Variants in CSF2RA observed in about 807,000 individuals in gnomAD.
CSF2RA encodes colony stimulating factor 2 receptor subunit alpha.
CSF2RA carries 42 observed loss-of-function variants against 51.6 expected under a neutral mutation model. The observed-to-expected ratio is 0.81, with a 90% confidence interval of 0.64 to 1.05. The LOEUF (loss-of-function observed/expected upper bound fraction) is 1.05, where lower values mean the gene tolerates loss of function less well. Among genes scored for constraint, CSF2RA ranks in the 50% least tolerant of loss-of-function variants. The pLI, the probability that CSF2RA is intolerant of heterozygous loss-of-function variation, is 0.00. For missense variants in CSF2RA, 530 were observed against 501.1 expected (o/e 1.06, Z -0.55); for synonymous variants, 222 against 193.0 (o/e 1.15, Z -1.24).
the CSF2RA span, among the ~76,000 whole-genome samples, chrX:1,318,693 A>G: frequency 1.3e-5 from 2 of 151,476 alleles, no homozygotes; most frequent in African/African-American, 4.8e-5. Context: ...CGAGGCAGGC[A>G]GATCACAAGG....
At chrX:1,288,917 T>C (rs372077994) in intron 6 of CSF2RA, 29 bp downstream of exon 6, 3 of 1,613,378 alleles carry the variant, frequency 1.9e-6, no homozygotes, top group Non-Finnish European at 2.5e-6. Flanking sequence ...TGAAGAATTA[T>C]GAGGAATGCA....
Position 1,274,815 on chromosome X carries a change from C to T in CSF2RA, c.-30C>T. 2 of 453,490 alleles carry T rather than the reference C, an allele frequency of 4.4e-6. No homozygotes were observed. Among genetic ancestry groups the T allele is most frequent in the South Asian group, 1.6e-5 (1 of 64,448 alleles). The allele number at this position is 453,490 out of a possible 1,614,324, so 28.1% of individuals were successfully genotyped here. ...GAGAAGCGGCGATGTTTGCGTAGAA[C>T]CCTGTACGTGCTTCCTTCGGCCTGT... On this transcript the variant is annotated 5_prime_UTR_variant, in exon 2 of 13. Coordinates refer to ENST00000381529, the MANE Select transcript of CSF2RA (RefSeq NM_172245.4).
chrX:1,296,974 C>T (rs369957849), intron 9 of CSF2RA, among the ~76,000 whole-genome samples: 2 of 77,118 alleles, frequency 2.6e-5, no homozygotes. Flanking sequence ...TGACCCCTGG[C>T]GGAACCGTAC....
chrX:1,282,919 A>C, intron 3 of CSF2RA, 140 bp downstream of exon 3: 2 of 805,386 alleles, frequency 2.5e-6, no homozygotes, highest in Non-Finnish European at 2.2e-6. Context: ...CAGCCAACCC[A>C]CCAGAAGCTC....
At chrX:1,321,406 T>C in the CSF2RA span, among the ~76,000 whole-genome samples, 1 of 151,802 alleles carries the variant, frequency 6.6e-6, no homozygotes, top group Non-Finnish European at 1.5e-5. Flanking sequence ...GAGGCGGAGC[T>C]TGCAGTGAGC....
chrX:1,288,007 G>C lies in CSF2RA; in HGVS notation c.220-512G>C, dbSNP rs181050201. ...CCGCCTTGGCCTCCCAGAGTGCTGG[G>C]ATTACAGGTGTGAGCCACGGCACCT... On this transcript the variant is annotated intron_variant, in intron 4 of 12. Transcript: ENST00000381529. Among the ~76,000 whole-genome samples the C allele has an allele frequency of 4.3e-4, 65 of 150,958 alleles. No individual in the cohort carries two copies. In the East Asian group the frequency reaches 9.6e-3, roughly 22 times the overall value.
downstream of CSF2RA, among the ~76,000 whole-genome samples, chrX:1,314,302 T>TACCCAACCCCA (rs1569514752): frequency 2.9e-5 from 1 of 34,500 alleles, no homozygotes; most frequent in African/African-American, 1.4e-4. Context: ...GCCCAACCAC[T>TACCCAACCCCA]CTGTGCCTGC....
intron 12 of CSF2RA, chrX:1,305,816 C>A (rs1307811953): frequency 6.5e-7 from 1 of 1,541,782 alleles, no homozygotes; most frequent in Middle Eastern, 2.1e-4. Flanking sequence ...CACGGTGGCT[C>A]ATGCCTGTCA....
chrX:1,319,578 A>C, the CSF2RA span, among the ~76,000 whole-genome samples: 1 of 149,304 alleles, frequency 6.7e-6, no homozygotes, highest in Non-Finnish European at 1.5e-5. Context: ...ATGAGCCACC[A>C]TGCCTAGCCC....
At chrX:1,283,003 G>A (rs1288785882) in intron 3 of CSF2RA, among the ~76,000 whole-genome samples, 1 of 152,116 alleles carries the variant, frequency 6.6e-6, no homozygotes, top group Non-Finnish European at 1.5e-5. Context: ...AGAAAACGGA[G>A]GCTCAGATAC....
chrX:1,303,883 C>G lies in CSF2RA; in HGVS notation c.947-40C>G, dbSNP rs755920657. 4.0e-5 allele frequency: 61 copies of G among 1,509,774 alleles called. 1 individual carries two copies. The South Asian group carries it at 6.4e-4, about 16-fold the overall frequency. 93.5% of individuals were successfully genotyped at this position (1,509,774 alleles called of 1,614,324 possible). A position where few individuals can be genotyped will look rare whatever the true frequency, so the allele number is the denominator to read the frequency against. On this transcript the variant is annotated intron_variant, in intron 10 of 12. Coordinates refer to ENST00000381529, the MANE Select transcript of CSF2RA (RefSeq NM_172245.4). Reference sequence around the variant, plus strand: ...ATTTAATTTCCTTTCACATGTCCGTCAACGATTCACCGCAGACGCAAACCT... The same window carrying G: ...ATTTAATTTCCTTTCACATGTCCGTGAACGATTCACCGCAGACGCAAACCT...
Position 1,294,394 on chromosome X carries a change from A to G in CSF2RA, c.713A>G (p.Lys238Arg). 6.2e-7 allele frequency: 1 copy of G among 1,613,944 alleles called. No individual in the cohort carries two copies. Among genetic ancestry groups the G allele is most frequent in the Non-Finnish European group, 8.5e-7 (1 of 1,179,850 alleles). Reference sequence around the variant, plus strand: ...ACGACGCACTGCCTCGTACGGTGGAAACAGCCCAGGACCTATCAGAAGCTG... The same window carrying G: ...ACGACGCACTGCCTCGTACGGTGGAGACAGCCCAGGACCTATCAGAAGCTG... ...CNTTHCLVRWKQPRTYQKLSY... is the reference protein window; with the variant it reads ...CNTTHCLVRWRQPRTYQKLSY... Residue 238 changes from lysine (K) to arginine (R), a missense_variant, in exon 8 of 13, where the codon AAA (lysine) becomes AGA (arginine). By Grantham distance (26) the Lys-to-Arg change is conservative. Coordinates refer to ENST00000381529, the MANE Select transcript of CSF2RA (RefSeq NM_172245.4).
intron 1 of CSF2RA, among the ~76,000 whole-genome samples, chrX:1,271,154 A>G (rs1209872638): frequency 6.6e-6 from 1 of 151,916 alleles, no homozygotes; most frequent in Non-Finnish European, 1.5e-5. Context: ...GGTGTGCTAA[A>G]TCACATTTCA....
the CSF2RA span, among the ~76,000 whole-genome samples, chrX:1,322,874 A>T: frequency 6.6e-6 from 1 of 152,054 alleles, no homozygotes; most frequent in East Asian, 1.9e-4. Context: ...TCACGCCTGT[A>T]ATCCCAGCAC....
chrX:1,274,930 G>A (rs1401887420), intron 2 of CSF2RA, 112 bp downstream of exon 2: 2 of 439,082 alleles, frequency 4.6e-6, no homozygotes, highest in African/African-American at 2.0e-5. Context: ...GGATAGAAGT[G>A]AGAACTCAGG....
At chrX:1,295,259 T>C (rs1284922707) in intron 8 of CSF2RA, among the ~76,000 whole-genome samples, 168 bp from the exon 9 acceptor site, 2 of 152,070 alleles carry the variant, frequency 1.3e-5, no homozygotes, top group Non-Finnish European at 2.9e-5. Context: ...CAGCTCCTCA[T>C]CCTACCTGTC....
the CSF2RA span, among the ~76,000 whole-genome samples, chrX:1,323,753 G>T: frequency 1.3e-5 from 2 of 151,960 alleles, no homozygotes; most frequent in Non-Finnish European, 2.9e-5. Flanking sequence ...AGTGGCTCAC[G>T]CCTGTAATCC....
At chrX:1,295,707 A>G in intron 9 of CSF2RA, 1 of 676,260 alleles carries the variant, frequency 1.5e-6, no homozygotes, top group Admixed American at 2.6e-5. Context: ...CACCACACCT[A>G]GTGTAAGGAG....
intron 12 of CSF2RA, among the ~76,000 whole-genome samples, 164 bp from the exon 13 acceptor site, chrX:1,309,238 C>T (rs1358244908): frequency 4.6e-5 from 7 of 151,900 alleles, no homozygotes; most frequent in African/African-American, 9.7e-5. Context: ...TCGCTTGAAC[C>T]CGGGAGGCCG....
Sources: gnomAD v4.1 joint callset for allele counts (sites outside exome capture counted in the v4.1 genomes callset) on GRCh38, gnomAD v4.1.1 for gene constraint, MANE v1.5 for transcripts, NCBI Gene and HGNC (gene_info 2026-07-23, HGNC 2026-07-21) for gene names.